Variants in RPH3A observed in about 807,000 individuals in gnomAD.
RPH3A encodes rabphilin 3A.
In RPH3A, 48 loss-of-function variants were observed where a neutral mutation model predicts 102.2. That is an observed-to-expected ratio of 0.47 (90% CI 0.37 to 0.60). The LOEUF is 0.60. RPH3A is among the 20% of genes least tolerant of loss of function. The pLI, the probability that RPH3A is intolerant of heterozygous loss-of-function variation, is 0.00. For synonymous variants in RPH3A, 310 were observed against 324.3 expected, an observed-to-expected ratio of 0.96 and a Z score of 0.47; for missense variants, 781 against 910.1, an observed-to-expected ratio of 0.86 and a Z score of 1.83.
Position 112,887,959 on chromosome 12 carries a change from G to A in RPH3A, c.1563+36G>A, listed in dbSNP as rs780174156. On this transcript the variant is annotated intron_variant, in intron 17 of 21. Coordinates refer to ENST00000389385, the MANE Select transcript of RPH3A (RefSeq NM_001143854.2). ...TTACCCTGAGGATCTGATGGGAGGA[G>A]GGGAGATTGGGGGAGCTGCCTTCCT... 2.5e-6 allele frequency: 4 copies of A among 1,605,412 alleles called. No homozygotes were observed. The East Asian group carries it at 9.0e-5, about 36-fold the overall frequency.
rs1593076853 is a variant in RPH3A at position 112,847,741 on chromosome 12, G to A, written c.129G>A (p.Arg43=). Reference sequence around the variant, plus strand: ...TCCACCCCGGTGGTCAGCCTGACAGGCAGAGGAAGCAGGAAGAGCTGACTG... The same window carrying A: ...TCCACCCCGGTGGTCAGCCTGACAGACAGAGGAAGCAGGAAGAGCTGACTG... ...WSVHPGGQPD[R]QRKQEELTDE... Residue 43 remains arginine, a synonymous_variant, in exon 5 of 22, where the codon AGG becomes AGA. Transcript: ENST00000389385. The A allele has an allele frequency of 6.2e-7, 1 of 1,614,172 alleles. No individual in the cohort carries two copies. The highest frequency in any genetic ancestry group is 8.5e-7 in the Non-Finnish European group (1 of 1,180,022).
At chr12:112,749,784 C>T (rs780583082) in intron 1 of RPH3A, among the ~76,000 whole-genome samples, 1 of 152,200 alleles carries the variant, frequency 6.6e-6, no homozygotes, top group Non-Finnish European at 1.5e-5. Flanking sequence ...TATTTTTTAT[C>T]TCTCAACCAG....
chr12:112,766,958 T>C (rs1014059615), intron 1 of RPH3A, among the ~76,000 whole-genome samples: 3 of 151,920 alleles, frequency 2.0e-5, no homozygotes, highest in African/African-American at 7.3e-5. Flanking sequence ...CAAAGGCGCG[T>C]TTCAAGGAGG....
chr12:112,831,261 T>C lies in RPH3A; in HGVS notation c.71+2872T>C, dbSNP rs2041966049. Among the ~76,000 whole-genome samples the C allele has an allele frequency of 1.3e-5, 2 of 152,106 alleles. 1 individual carries two copies. The highest frequency in any genetic ancestry group is 4.8e-5 in the African/African-American group (2 of 41,448). On this transcript the variant is annotated intron_variant, in intron 3 of 21. Coordinates refer to ENST00000389385, the MANE Select transcript of RPH3A (RefSeq NM_001143854.2). ...TTCTCTCCTTGTCTTTTATTTTTAT[T>C]AATTGGTTAATTGGGCTTGGGGGTT...
intron 7 of RPH3A, 77 bp from the exon 8 acceptor site, chr12:112,868,353 T>TA: frequency 6.8e-7 from 1 of 1,470,784 alleles, no homozygotes; most frequent in Non-Finnish European, 9.3e-7. Flanking sequence ...GGAGGAAAGA[T>TA]AAAAATGGGC....
At position 112,696,700 on chromosome 12, in the gene RPH3A, G is replaced by T. The variant is rs572556588; in HGVS notation, c.-139-95443G>T. Among the ~76,000 whole-genome samples the T allele has an allele frequency of 3.9e-5, 6 of 152,312 alleles. No homozygotes were observed. The East Asian group carries it at 1.2e-3, about 29-fold the overall frequency. ...GAGAATTCCCCCATCAAAAAGATGT[G>T]CAGCTCTAGATAACTCAGGTTATTT... On this transcript the variant is annotated intron_variant, in intron 1 of 21. Coordinates refer to the RPH3A transcript ENST00000543106.
At chr12:112,845,285 C>T (rs2042211395) in intron 4 of RPH3A, among the ~76,000 whole-genome samples, 1 of 152,254 alleles carries the variant, frequency 6.6e-6, no homozygotes, top group African/African-American at 2.4e-5. Context: ...GAGACCATTC[C>T]CTTTGCCAGA....
In RPH3A at chr12:112,897,692, A is replaced by G. The variant is rs975940050; in HGVS notation, c.*912A>G. 2.0e-5 allele frequency: 3 copies of G among 152,366 alleles called. No individual in the cohort carries two copies. Among genetic ancestry groups the G allele is most frequent in the Non-Finnish European group, 4.4e-5 (3 of 68,158 alleles). 9.4% of individuals were successfully genotyped at this position (152,366 alleles called of 1,614,324 possible). On this transcript the variant is annotated 3_prime_UTR_variant, in exon 22 of 22. Coordinates refer to ENST00000389385, the MANE Select transcript of RPH3A (RefSeq NM_001143854.2). ...ACCAGCCTGACCAGGAAACTGAGAAACTGGCCCAAACCTGAGATTCCACTT... is the reference window on the plus strand; with the variant it reads ...ACCAGCCTGACCAGGAAACTGAGAAGCTGGCCCAAACCTGAGATTCCACTT...
At chr12:112,844,232 A>G (rs1045734284) in intron 4 of RPH3A, among the ~76,000 whole-genome samples, 10 of 152,284 alleles carry the variant, frequency 6.6e-5, no homozygotes, top group African/African-American at 2.4e-4. Context: ...TTGGGATCAC[A>G]TTATGTTATA....
chr12:112,868,695 T>C, intron 8 of RPH3A, 100 bp downstream of exon 8: 1 of 1,332,782 alleles, frequency 7.5e-7, no homozygotes, highest in African/African-American at 1.5e-5. Flanking sequence ...TTCCACCCAG[T>C]TGTTGCATGG....
intron 1 of RPH3A, among the ~76,000 whole-genome samples, chr12:112,631,581 C>T (rs1017159719): frequency 6.6e-6 from 1 of 152,036 alleles, no homozygotes; most frequent in Non-Finnish European, 1.5e-5. Context: ...GTGGTGTGAG[C>T]ATGGCATCAT....
intron 2 of RPH3A, among the ~76,000 whole-genome samples, chr12:112,811,536 C>G (rs1056641640): frequency 1.3e-5 from 2 of 149,502 alleles, no homozygotes; most frequent in Non-Finnish European, 3.0e-5. Context: ...GAACCCCCCC[C>G]CCAAAAAAAA....
At chr12:112,839,034 T>C (rs2042100836) in intron 4 of RPH3A, among the ~76,000 whole-genome samples, 1 of 152,180 alleles carries the variant, frequency 6.6e-6, no homozygotes, top group Admixed American at 6.5e-5. Flanking sequence ...GTCATGATTC[T>C]TGGCAATTCC....
upstream of RPH3A, among the ~76,000 whole-genome samples, chr12:112,787,718 GA>G (rs1377149864): frequency 6.6e-6 from 1 of 152,194 alleles, no homozygotes; most frequent in Admixed American, 6.5e-5. Context: ...CAGTTTCATA[GA>G]ACAGAAATGA....
In RPH3A at chr12:112,896,948, C is replaced by T; in HGVS notation, c.*168C>T. The T allele has an allele frequency of 1.6e-6, 1 of 642,324 alleles. No homozygotes were observed. The highest frequency in any genetic ancestry group is 2.7e-6 in the Non-Finnish European group (1 of 377,020). The allele number at this position is 642,324 out of a possible 1,614,324, so 39.8% of individuals were successfully genotyped here. A position where few individuals can be genotyped will look rare whatever the true frequency, so the allele number is the denominator to read the frequency against. On this transcript the variant is annotated 3_prime_UTR_variant, in exon 22 of 22. Coordinates refer to ENST00000389385, the MANE Select transcript of RPH3A (RefSeq NM_001143854.2). Reference sequence around the variant, plus strand: ...ACGTTGGGCACTGCTGCCAAAGACTCCCTCCTCCCTGATGCTGGGATGTGG... The same window carrying T: ...ACGTTGGGCACTGCTGCCAAAGACTTCCTCCTCCCTGATGCTGGGATGTGG...
chr12:112,849,437 A>ATGTG (rs2042286284), intron 5 of RPH3A, among the ~76,000 whole-genome samples: 1 of 133,098 alleles, frequency 7.5e-6, no homozygotes, highest in Non-Finnish European at 1.5e-5. Flanking sequence ...GTGTGTGTGC[A>ATGTG]TGTGTGTGTA....
intron 1 of RPH3A, among the ~76,000 whole-genome samples, chr12:112,768,055 G>A (rs1251926970): frequency 6.6e-6 from 1 of 152,138 alleles, no homozygotes; most frequent in Non-Finnish European, 1.5e-5. Context: ...GTACAATCTT[G>A]TAAATATACT....
chr12:112,585,207 T>A (rs115930509), intron 1 of RPH3A, among the ~76,000 whole-genome samples: 1 of 152,306 alleles, frequency 6.6e-6, no homozygotes, highest in African/African-American at 2.4e-5. Flanking sequence ...GCTGATTAGA[T>A]GGTGCTCACC....
intron 4 of RPH3A, chr12:112,841,887 T>C (rs1823516789): frequency 2.9e-5 from 13 of 455,528 alleles, no homozygotes; most frequent in South Asian, 2.0e-4. Flanking sequence ...TTGGTCTCTC[T>C]CTCCTTCTCT....
Sources: gnomAD v4.1 joint callset for allele counts (sites outside exome capture counted in the v4.1 genomes callset) on GRCh38, gnomAD v4.1.1 for gene constraint, MANE v1.5 for transcripts, NCBI Gene and HGNC (gene_info 2026-07-23, HGNC 2026-07-21) for gene names.